DNAH2: variants seen among roughly 807,000 people sequenced by gnomAD.
The protein encoded by DNAH2 is axonemal beta dynein heavy chain 2.
In DNAH2, 323 loss-of-function variants were observed where a neutral mutation model predicts 523.5. The ratio of observed to expected loss-of-function variants is 0.62; its 90% CI spans 0.56 to 0.68. The LOEUF is 0.68. Ranked by LOEUF, DNAH2 falls within the 30% of genes least tolerant of loss-of-function variation. DNAH2 has a pLI of 0.00. For synonymous variants in DNAH2, 2,093 were observed against 2,177.4 expected (o/e 0.96, Z 1.08); for missense variants, 4,907 against 5,701.5 (o/e 0.86, Z 4.49).
At position 7,787,032 on chromosome 17, in the gene DNAH2, A is replaced by G. The variant is rs1224083026; in HGVS notation, c.6602A>G (p.Gln2201Arg). 1.9e-6 allele frequency: 3 copies of G among 1,614,052 alleles called. No individual in the cohort carries two copies. The highest frequency in any genetic ancestry group is 1.7e-5 in the Admixed American group (1 of 60,020). ...GGCGAGCGCATCGCGATGCCCGAGCAGGTCAGGGACGCGGCTGACTCCTGG... is the reference window on the plus strand; with the variant it reads ...GGCGAGCGCATCGCGATGCCCGAGCGGGTCAGGGACGCGGCTGACTCCTGG... ...INGERIAMPE[Q>R]VSLLFEVEDL... The change falls in exon 42 of 86, where the codon CAG becomes CGG. Residue 2201 changes from glutamine to arginine, a missense_variant and splice_region_variant. Physicochemically the swap from Gln to Arg is conservative, Grantham distance 43. This residue lies in a region of DNAH2 where 2,806 missense variants were observed against 3,190.8 expected (regional missense o/e 0.88). Coordinates refer to ENST00000572933, the MANE Select transcript of DNAH2 (RefSeq NM_020877.5).
chr17:7,816,514 A>G lies in DNAH2; in HGVS notation c.9730-57A>G, dbSNP rs1230770756. On this transcript the variant is annotated intron_variant, in intron 63 of 85. Coordinates refer to ENST00000572933, the MANE Select transcript of DNAH2 (RefSeq NM_020877.5). The stretch of plus-strand genomic sequence containing the variant: ...AAAATGGCAGAGTCATGATGTGAAC[A>G]AGAACAATCTGGCTGCGAGCCCTGT... 1.9e-6 allele frequency: 3 copies of G among 1,597,916 alleles called. No homozygotes were observed. The Admixed American group carries it at 5.1e-5, about 27-fold the overall frequency.
chr17:7,783,792 CCT>C (rs1300782853), intron 39 of DNAH2, among the ~76,000 whole-genome samples: 1 of 149,860 alleles, frequency 6.7e-6, no homozygotes, highest in Non-Finnish European at 1.5e-5. Context: ...AGAGTGAGAC[CCT>C]GTTTCCAAAA....
intron 12 of DNAH2, among the ~76,000 whole-genome samples, chr17:7,755,683 A>G (rs1320876542): frequency 6.6e-6 from 1 of 152,116 alleles, no homozygotes; most frequent in Non-Finnish European, 1.5e-5. Flanking sequence ...GGTTGTGAAC[A>G]GCAAGCTTCA....
chr17:7,814,113 A>G (rs1404382033), intron 63 of DNAH2, among the ~76,000 whole-genome samples: 2 of 151,216 alleles, frequency 1.3e-5, no homozygotes, highest in East Asian at 1.9e-4. Context: ...AATGGCAGGA[A>G]GACTTCCCCT....
intron 5 of DNAH2, among the ~76,000 whole-genome samples, 157 bp downstream of exon 5, chr17:7,733,472 C>CTT (rs1567611229): frequency 3.2e-5 from 4 of 125,984 alleles, no homozygotes; most frequent in African/African-American, 1.2e-4. Flanking sequence ...CCGCCTTCTT[C>CTT]TTCTTTTTTT....
chr17:7,804,898 G>C, intron 59 of DNAH2, 60 bp from the exon 60 acceptor site: 1 of 1,392,032 alleles, frequency 7.2e-7, no homozygotes, highest in East Asian at 2.3e-5. Flanking sequence ...CACCAACACC[G>C]TCACTCCCAC....
intron 39 of DNAH2, among the ~76,000 whole-genome samples, chr17:7,783,062 C>T (rs1311852202): frequency 2.0e-5 from 3 of 152,066 alleles, no homozygotes; most frequent in Admixed American, 1.3e-4. Context: ...TTCAGGAGGA[C>T]TGTTTTTTTG....
rs112196271 is a variant in DNAH2, at chr17:7,814,288, A to C, written c.9730-2283A>C. Reference sequence around the variant, plus strand: ...TGTTGTGGTTATGCAGAAAAATGTCATTATTATTACTTTTAAAGATATGTT... The same window carrying C: ...TGTTGTGGTTATGCAGAAAAATGTCCTTATTATTACTTTTAAAGATATGTT... On this transcript the variant is annotated intron_variant, in intron 63 of 85. Transcript: ENST00000572933. Among the ~76,000 whole-genome samples the C allele has an allele frequency of 1.0e-3, 6 of 5,720 alleles. No homozygotes were observed. In the East Asian group the frequency reaches 0.013, roughly 12 times the overall value. 3.8% of individuals were successfully genotyped at this position (5,720 alleles called of 152,430 possible). A position where few individuals can be genotyped will look rare whatever the true frequency, so the allele number is the denominator to read the frequency against.
chr17:7,831,515 A>G lies in DNAH2; in HGVS notation c.12585A>G (p.Arg4195=), dbSNP rs1357358528. 6.2e-7 allele frequency: 1 copy of G among 1,614,104 alleles called. No homozygotes were observed. The highest frequency in any genetic ancestry group is 1.1e-5 in the South Asian group (1 of 91,076). ...LNVVLLQEIQ[R]YNTLMQTILF... ...TGGTCCTTCTGCAGGAGATCCAGAG[A>G]TACAACACACTGATGCAGACCATCC... The change falls in exon 81 of 86, where the codon AGA becomes AGG. Residue 4195 remains arginine (R), a synonymous_variant. Coordinates refer to ENST00000572933, the MANE Select transcript of DNAH2 (RefSeq NM_020877.5). The surrounding 1 kb of genome is among the most constrained non-coding windows in gnomAD (Gnocchi z 4.2).
Position 7,830,403 on chromosome 17 carries a change from G to C in DNAH2, c.11957G>C (p.Cys3986Ser). The C allele has an allele frequency of 6.2e-7, 1 of 1,614,236 alleles. No individual in the cohort carries two copies. Among genetic ancestry groups the C allele is most frequent in the Non-Finnish European group, 8.5e-7 (1 of 1,180,044 alleles). Residue 3986 changes from cysteine to serine, a missense_variant, in exon 78 of 86, where the codon TGT becomes TCT. By Grantham distance (112) the Cys-to-Ser change is moderately radical. Transcript: ENST00000572933. The part of the protein sequence containing the change: ...AKYKKLLFSL[C>S]FFHSVLLERK... ...TATAAGAAGCTGCTGTTTTCACTCT[G>C]TTTCTTCCACTCTGTGTTACTTGAA...
chr17:7,773,114 C>A (rs2076362130), intron 28 of DNAH2, among the ~76,000 whole-genome samples: 1 of 152,094 alleles, frequency 6.6e-6, no homozygotes, highest in Non-Finnish European at 1.5e-5. Context: ...CCATTTTGTA[C>A]ACAAAAAGGT....
At chr17:7,766,278 C>T (rs774398894) in intron 21 of DNAH2, 40 bp from the exon 22 acceptor site, 35 of 1,597,978 alleles carry the variant, frequency 2.2e-5, no homozygotes, top group Middle Eastern at 1.7e-4. Context: ...CCTTGCCAGA[C>T]GTGAGCGGGA....
chr17:7,798,470 C>A lies in DNAH2; in HGVS notation c.8399-88C>A. On this transcript the variant is annotated intron_variant, in intron 54 of 85. Coordinates refer to ENST00000572933, the MANE Select transcript of DNAH2 (RefSeq NM_020877.5). This position sits in a 1 kb window ranked among gnomAD's most constrained non-coding sequence, Gnocchi z 5.5. ...ATGGTGTCGCGTGTATGCTGCGGGG[C>A]GGGGAGGGTTCCTAAATCTCAGAAA... 2 of 1,561,914 alleles carry A rather than the reference C, an allele frequency of 1.3e-6. No individual in the cohort carries two copies. The highest frequency in any genetic ancestry group is 1.3e-5 in the African/African-American group (1 of 74,350).
At chr17:7,761,260 A>G (rs2075996941) in intron 18 of DNAH2, among the ~76,000 whole-genome samples, 1 of 151,940 alleles carries the variant, frequency 6.6e-6, no homozygotes, top group South Asian at 2.1e-4. Flanking sequence ...ATAGAAGATT[A>G]TTTTGTTTGT....
At chr17:7,801,738 G>A (rs1263826658) in intron 57 of DNAH2, 28 bp downstream of exon 57, 2 of 1,612,680 alleles carry the variant, frequency 1.2e-6, no homozygotes, top group Non-Finnish European at 1.7e-6. Context: ...ACCTCTCATT[G>A]CATCCCTGGC....
chr17:7,739,854 T>C lies in DNAH2; in HGVS notation c.1292T>C (p.Phe431Ser). ...AACTTGCTGGAGATTGAGGACATCT[T>C]TCATAAAAATCTGCACACGCTGCGA... Reference protein sequence around the residue: ...TRNLLEIEDIFHKNLHTLRAV... With the variant: ...TRNLLEIEDISHKNLHTLRAV... The change falls in exon 9 of 86, where the codon TTT (phenylalanine) becomes TCT (serine). Residue 431 changes from phenylalanine to serine, a missense_variant. This residue lies in a region of DNAH2 where 2,806 missense variants were observed against 3,190.8 expected (regional missense o/e 0.88). Coordinates refer to ENST00000572933, the MANE Select transcript of DNAH2 (RefSeq NM_020877.5). 1 of 1,613,902 alleles carries C rather than the reference T, an allele frequency of 6.2e-7. No homozygotes were observed. Among genetic ancestry groups the C allele is most frequent in the South Asian group, 1.1e-5 (1 of 91,062 alleles).
At chr17:7,778,753 G>C (rs2076526310) in intron 35 of DNAH2, among the ~76,000 whole-genome samples, 1 of 152,076 alleles carries the variant, frequency 6.6e-6, no homozygotes, top group East Asian at 1.9e-4. Context: ...ATTTTTAGTG[G>C]AGACGGGGTT....
intron 12 of DNAH2, among the ~76,000 whole-genome samples, chr17:7,756,107 G>A (rs1217560126): frequency 6.6e-6 from 1 of 151,738 alleles, no homozygotes; most frequent in African/African-American, 2.4e-5. Flanking sequence ...GGGTGTGGTG[G>A]TGGGCACCTA....
Position 7,805,090 on chromosome 17 carries a change from G to A in DNAH2, c.9300+16G>A, listed in dbSNP as rs781765823. On this transcript the variant is annotated intron_variant, in intron 60 of 85. Transcript: ENST00000572933. Reference sequence around the variant, plus strand: ...GGCCATGCGGGTACCAGGGGCGGGTGCAAGGATGGGAGCCAGGAACGCGAG... The same window carrying A: ...GGCCATGCGGGTACCAGGGGCGGGTACAAGGATGGGAGCCAGGAACGCGAG... The A allele has an allele frequency of 4.3e-6, 7 of 1,610,310 alleles. No individual in the cohort carries two copies. The East Asian group carries it at 1.1e-4, about 26-fold the overall frequency.
Sources: allele counts gnomAD v4.1 joint callset (sites outside exome capture counted in the v4.1 genomes callset), GRCh38; gene constraint gnomAD v4.1.1; regional missense constraint gnomAD v4.1.1; non-coding constraint Gnocchi (gnomAD v3.1); transcripts MANE v1.5; gene names NCBI Gene and HGNC (gene_info 2026-07-23, HGNC 2026-07-21).